The following TDRD10 variants were observed in gnomAD, a reference collection of about 807,000 sequenced individuals.
TDRD10 encodes tudor domain containing 10.
TDRD10 carries 40 observed loss-of-function variants against 48.0 expected under a neutral mutation model. That is an observed-to-expected ratio of 0.83 (90% confidence interval 0.65 to 1.09). The LOEUF (loss-of-function observed/expected upper bound fraction) is 1.09, where lower values mean the gene tolerates loss of function less well. TDRD10 is among the 50% of genes least tolerant of loss of function. The pLI, the probability that TDRD10 is intolerant of heterozygous loss-of-function variation, is 0.00. For synonymous variants in TDRD10, 162 were observed against 170.4 expected, an observed-to-expected ratio of 0.95 and a Z score of 0.38; for missense variants, 378 against 434.7, an observed-to-expected ratio of 0.87 and a Z score of 1.16.
intron 6 of TDRD10, among the ~76,000 whole-genome samples, chr1:154,523,985 A>G (rs1046934885): frequency 4.6e-5 from 7 of 151,476 alleles, no homozygotes; most frequent in African/African-American, 1.7e-4. Flanking sequence ...CTTTTTTCCC[A>G]TTTCTCTGCT....
In TDRD10 at chr1:154,543,969, C is replaced by G; in HGVS notation, c.510C>G (p.Ser170=). Residue 170 remains serine (S), a synonymous_variant, in exon 9 of 13, where the codon TCC becomes TCG. Coordinates refer to ENST00000368482, the MANE Select transcript of TDRD10 (RefSeq NM_182499.4). ...FFAVPLEMRG[S]FLVLLLRECF... ...CCCCTTGCTCTTCCCGCAGAGGGTC[C>G]TTCCTGGTGCTGCTCCTGAGGGAAT... 1 of 1,614,088 alleles carries G rather than the reference C, an allele frequency of 6.2e-7. No homozygotes were observed. The highest frequency in any genetic ancestry group is 1.3e-5 in the African/African-American group (1 of 75,038).
chr1:154,532,498 C>T (rs538660994), intron 6 of TDRD10, among the ~76,000 whole-genome samples: 7 of 152,286 alleles, frequency 4.6e-5, no homozygotes, highest in South Asian at 2.1e-4. Flanking sequence ...GCTCTGGCCT[C>T]GGCCAGCCCA....
chr1:154,503,845 G>A (rs1417474710), intron 1 of TDRD10, among the ~76,000 whole-genome samples: 4 of 152,124 alleles, frequency 2.6e-5, no homozygotes, highest in Admixed American at 6.5e-5. Context: ...TTGAAAATGC[G>A]TAGTGACATT....
intron 4 of TDRD10, among the ~76,000 whole-genome samples, chr1:154,508,779 G>A (rs1297516001): frequency 6.6e-6 from 1 of 152,128 alleles, no homozygotes; most frequent in Non-Finnish European, 1.5e-5. Context: ...TTCTTTTTAG[G>A]AAGGGACCTT....
At chr1:154,520,745 T>C (rs1460213059) in intron 5 of TDRD10, among the ~76,000 whole-genome samples, 1 of 152,158 alleles carries the variant, frequency 6.6e-6, no homozygotes, top group East Asian at 1.9e-4. Flanking sequence ...GCTTTGAACG[T>C]TTGTTTGTTT....
At chr1:154,510,939 G>A (rs1421387757) in intron 4 of TDRD10, among the ~76,000 whole-genome samples, 3 of 151,530 alleles carry the variant, frequency 2.0e-5, no homozygotes, top group Admixed American at 6.6e-5. Context: ...CCAGCTACTC[G>A]GGAGGCTGAG....
intron 2 of TDRD10, 33 bp from the exon 3 acceptor site, chr1:154,507,208 G>T: frequency 1.2e-6 from 2 of 1,613,486 alleles, no homozygotes; most frequent in South Asian, 2.2e-5. Context: ...GTCTGAGCTT[G>T]GGAGGTTCGA....
intron 9 of TDRD10, 94 bp downstream of exon 9, chr1:154,544,204 A>T: frequency 6.3e-7 from 1 of 1,586,814 alleles, no homozygotes; most frequent in Non-Finnish European, 8.6e-7. Flanking sequence ...AGTGGTGGAG[A>T]TGCAGGGTAA....
At chr1:154,546,466 CATATATA>C (rs1346134441) in intron 11 of TDRD10, among the ~76,000 whole-genome samples, 3 of 141,110 alleles carry the variant, frequency 2.1e-5, no homozygotes, top group East Asian at 2.0e-4. Context: ...TATTATGTAA[CATATATA>C]ATATATAATA....
rs541006472 is a variant in TDRD10 at position 154,544,218 on chromosome 1, C to T, written c.651+108C>T. On this transcript the variant is annotated intron_variant, in intron 9 of 12. Coordinates refer to ENST00000368482, the MANE Select transcript of TDRD10 (RefSeq NM_182499.4). ...CAGTGGTGGAGATGCAGGGTAACTA[C>T]GGTCTGATCCTGGGTTCAGTCTCGT... 7.3e-5 allele frequency: 115 copies of T among 1,566,146 alleles called. No homozygotes were observed. The African/African-American group carries it at 7.6e-4, about 10-fold the overall frequency.
chr1:154,544,691 C>A, intron 10 of TDRD10, 104 bp from the exon 11 acceptor site: 1 of 1,509,820 alleles, frequency 6.6e-7, no homozygotes, highest in Non-Finnish European at 8.9e-7. Flanking sequence ...CAAACTCGCT[C>A]TTCCTCCCTC....
chr1:154,544,750 C>G (rs1234541362), intron 10 of TDRD10, 45 bp from the exon 11 acceptor site: 1 of 1,602,622 alleles, frequency 6.2e-7, no homozygotes, highest in South Asian at 1.1e-5. Flanking sequence ...GTGCATGGCA[C>G]TAGGCGGAAT....
intron 4 of TDRD10, among the ~76,000 whole-genome samples, chr1:154,516,354 G>C (rs566383136): frequency 6.6e-6 from 1 of 152,014 alleles, no homozygotes; most frequent in East Asian, 1.9e-4. Flanking sequence ...CAGAGGCTTC[G>C]AGAAGGTGGG....
intron 2 of TDRD10, 133 bp from the exon 3 acceptor site, chr1:154,507,108 G>C: frequency 6.5e-7 from 1 of 1,529,258 alleles, no homozygotes; most frequent in Non-Finnish European, 8.8e-7. Flanking sequence ...CTGATTCTGG[G>C]AGGAGGAAGG....
intron 4 of TDRD10, among the ~76,000 whole-genome samples, chr1:154,515,388 C>T (rs1041522865): frequency 6.6e-6 from 1 of 152,180 alleles, no homozygotes; most frequent in Non-Finnish European, 1.5e-5. Context: ...GGTCTTGGCC[C>T]CCCTCCACTC....
Position 154,520,303 on chromosome 1 carries a change from G to A in TDRD10, c.142-1G>A. ...CTCTCTTTTAAACCCTGCTGTTGTA[G>A]GAGGAAATTCTGTACCTTCTAAAGG... On this transcript the variant is annotated splice_acceptor_variant, in intron 4 of 12. Transcript: ENST00000368482. LOFTEE classifies it high-confidence loss of function. 1 of 1,612,064 alleles carries A rather than the reference G, an allele frequency of 6.2e-7. No homozygotes were observed. Among genetic ancestry groups the A allele is most frequent in the Non-Finnish European group, 8.5e-7 (1 of 1,178,164 alleles).
At chr1:154,534,460 C>T (rs1482335036) in intron 6 of TDRD10, 1 of 152,228 alleles carries the variant, frequency 6.6e-6, no homozygotes, top group Non-Finnish European at 1.5e-5. Context: ...TCTGACAACA[C>T]CTGGTGGTTT....
At position 154,547,598 on chromosome 1, in the gene TDRD10, C is replaced by T. The variant is rs199625781; in HGVS notation, c.1024-80C>T. 5.0e-6 allele frequency: 8 copies of T among 1,614,204 alleles called. No individual in the cohort carries two copies. In the African/African-American group the frequency reaches 6.7e-5, roughly 13 times the overall value. ...TTACCTGGCATTCTTTTAGATCAAA[C>T]GAACTGGTTATCTGAGGGGTTGGGT... On this transcript the variant is annotated intron_variant, in intron 12 of 12. Coordinates refer to ENST00000368482, the MANE Select transcript of TDRD10 (RefSeq NM_182499.4).
chr1:154,528,724 G>A (rs1694445636), intron 6 of TDRD10, among the ~76,000 whole-genome samples: 1 of 151,972 alleles, frequency 6.6e-6, no homozygotes, highest in Non-Finnish European at 1.5e-5. Flanking sequence ...GCTGAGGCAG[G>A]AGACTCACTT....
Sources: gnomAD v4.1 joint callset for allele counts (sites outside exome capture counted in the v4.1 genomes callset) on GRCh38, gnomAD v4.1.1 for gene constraint, MANE v1.5 for transcripts, NCBI Gene and HGNC (gene_info 2026-07-23, HGNC 2026-07-21) for gene names.